The following FN1 variants were observed in gnomAD, a reference collection of about 807,000 sequenced individuals.
FN1 encodes fibronectin 1.
FN1 carries 106 observed loss-of-function variants against 297.3 expected under a neutral mutation model. The observed-to-expected ratio is 0.36, with a 90% CI of 0.30 to 0.42. The LOEUF (loss-of-function observed/expected upper bound fraction) is 0.42, where lower values mean the gene tolerates loss of function less well. Ranked by LOEUF, FN1 falls within the 10% of genes least tolerant of loss-of-function variation. FN1 has a pLI of 1.00. For missense variants in FN1, 2,690 were observed against 3,124.9 expected, an observed-to-expected ratio of 0.86 and a Z score of 3.32; for synonymous variants, 1,149 against 1,152.6, an observed-to-expected ratio of 1.00 and a Z score of 0.06.
chr2:215,430,725 G>A lies in FN1; in HGVS notation c.675C>T (p.Cys225=), dbSNP rs1181638652. ...CLGEGSGRIT[C]TSRNRCNDQD... is the part of the protein sequence containing the mutation. The stretch of plus-strand genomic sequence containing the variant: ...AGATGTAAAACATACTTCTAGAAGT[G>A]CAAGTGATGCGTCCGCTGCCTTCTC... Residue 225 remains cysteine, a synonymous_variant, in exon 5 of 46, where the codon TGC becomes TGT. Transcript: ENST00000354785. The A allele has an allele frequency of 4.3e-6, 7 of 1,613,890 alleles. No homozygotes were observed. In the Admixed American group the frequency reaches 8.3e-5, roughly 19 times the overall value.
At chr2:215,363,994 G>A (rs960584388) in intron 44 of FN1, among the ~76,000 whole-genome samples, 1 of 152,172 alleles carries the variant, frequency 6.6e-6, no homozygotes, top group Non-Finnish European at 1.5e-5. Context: ...ATCCCAGGGG[G>A]TGTGTCTCTC....
chr2:215,407,372 G>C, intron 17 of FN1, 51 bp from the exon 18 acceptor site: 1 of 1,431,650 alleles, frequency 7.0e-7, no homozygotes, highest in Non-Finnish European at 9.9e-7. Flanking sequence ...TGAGACAGAG[G>C]CTTAGAAACA....
intron 20 of FN1, 101 bp downstream of exon 20, chr2:215,404,288 A>G: frequency 8.9e-6 from 11 of 1,233,804 alleles, no homozygotes; most frequent in Non-Finnish European, 1.3e-5. Flanking sequence ...ATTATGTACT[A>G]ATTTTTTAAT....
Position 215,376,518 on chromosome 2 carries a change from A to T in FN1, c.5867T>A (p.Val1956Asp). The T allele has an allele frequency of 1.2e-6, 2 of 1,614,110 alleles. No homozygotes were observed. Among genetic ancestry groups the T allele is most frequent in the Non-Finnish European group, 1.7e-6 (2 of 1,180,004 alleles). Residue 1956 changes from valine to aspartate, a missense_variant, in exon 36 of 46, where the codon GTC becomes GAC. By Grantham distance (152) the Val-to-Asp change is radical. Around this residue, in one of 3 missense-constraint regions of FN1, gnomAD observed 1,743 missense variants for 1,945.2 expected, o/e 0.90. Transcript: ENST00000354785. ...CTGACCTGTGATGGTGTAGCTTCTG[A>T]CATCTGGCTTGATGGTTCTCTGGAT... ...TPIQRTIKPD[V>D]RSYTITGLQP...
intron 36 of FN1, 121 bp from the exon 37 acceptor site, chr2:215,375,839 G>A: frequency 4.2e-6 from 3 of 718,692 alleles, no homozygotes; most frequent in Non-Finnish European, 7.7e-6. Flanking sequence ...CTACCAAAGT[G>A]GTCCACATTT....
At position 215,386,910 on chromosome 2, in the gene FN1, G is replaced by T; in HGVS notation, c.4391C>A (p.Ser1464Tyr). Residue 1464 changes from serine to tyrosine, a missense_variant, in exon 28 of 46, where the codon TCT (serine) becomes TAT (tyrosine). Around this residue, in one of 3 missense-constraint regions of FN1, gnomAD observed 1,743 missense variants for 1,945.2 expected, o/e 0.90. Transcript: ENST00000354785. ...AGGAGCAATCCAGTGCACAGTAAAA[G>T]AGTTGGCAGTAATATCAGAAAAGTC... ...GIDFSDITAN[S>Y]FTVHWIAPRA... 6.2e-7 allele frequency: 1 copy of T among 1,613,286 alleles called. No individual in the cohort carries two copies. The highest frequency in any genetic ancestry group is 1.3e-5 in the African/African-American group (1 of 74,912).
chr2:215,363,383 AGAGAG>A (rs2053905092), intron 44 of FN1: 5 of 87,742 alleles, frequency 5.7e-5, no homozygotes, highest in Non-Finnish European at 1.1e-4. Flanking sequence ...AATGGGAGAG[AGAGAG>A]AGAGAGAGAC....
chr2:215,430,265 A>G (rs894018727), intron 5 of FN1, among the ~76,000 whole-genome samples: 34 of 152,250 alleles, frequency 2.2e-4, no homozygotes, highest in Non-Finnish European at 5.9e-5. Flanking sequence ...AGACCCCAAG[A>G]CAATCTTAGA....
At chr2:215,411,600 G>T (rs1193065387) in intron 13 of FN1, among the ~76,000 whole-genome samples, 1 of 150,508 alleles carries the variant, frequency 6.6e-6, no homozygotes, top group African/African-American at 2.4e-5. Context: ...CTGAATTTTT[G>T]TAATTGTTAA....
intron 26 of FN1, 103 bp downstream of exon 26, chr2:215,391,529 G>T: frequency 2.2e-6 from 2 of 916,622 alleles, no homozygotes; most frequent in Non-Finnish European, 3.6e-6. Context: ...TTTGTAGCTT[G>T]GTTGCAGCTC....
chr2:215,383,527 G>A, intron 30 of FN1, 44 bp from the exon 31 acceptor site: 1 of 1,607,254 alleles, frequency 6.2e-7, no homozygotes, highest in East Asian at 2.2e-5. Context: ...CCCAGTCCTT[G>A]GAGACAAGAT....
Position 215,394,152 on chromosome 2 carries a change from T to C in FN1, c.3796+376A>G, listed in dbSNP as rs1260136229. ...TTGGAAATTGATATGGATTGTAAAATCGGGCAGAAATGTACTGATGGGATG... is the reference window on the plus strand; with the variant it reads ...TTGGAAATTGATATGGATTGTAAAACCGGGCAGAAATGTACTGATGGGATG... On this transcript the variant is annotated intron_variant, in intron 24 of 45. Transcript: ENST00000354785. Among the ~76,000 whole-genome samples, 3 of 152,202 alleles carry C rather than the reference T, an allele frequency of 2.0e-5. 1 individual carries two copies. Among genetic ancestry groups the C allele is most frequent in the African/African-American group, 4.8e-5 (2 of 41,448 alleles).
At chr2:215,372,447 T>G in intron 39 of FN1, 72 bp from the exon 40 acceptor site, 1 of 1,115,952 alleles carries the variant, frequency 9.0e-7, no homozygotes, top group African/African-American at 1.5e-5. Flanking sequence ...ATGATAATAA[T>G]CGATTCAGGC....
At chr2:215,412,309 T>C (rs913795206) in intron 13 of FN1, among the ~76,000 whole-genome samples, 4 of 152,150 alleles carry the variant, frequency 2.6e-5, no homozygotes, top group African/African-American at 9.7e-5. Context: ...TTTAAGGGAA[T>C]CTGTTTCCAT....
intron 25 of FN1, 51 bp downstream of exon 25, chr2:215,392,880 G>A: frequency 6.3e-7 from 1 of 1,596,880 alleles, no homozygotes; most frequent in South Asian, 1.1e-5. Context: ...GTAACTGGTG[G>A]CAGCATGCAA....
Position 215,361,611 on chromosome 2 carries a change from T to C in FN1, c.7378A>G (p.Ile2460Val), listed in dbSNP as rs1244456019. The C allele has an allele frequency of 1.9e-5, 31 of 1,611,128 alleles. 1 individual carries two copies. The highest frequency in any genetic ancestry group is 1.4e-4 in the South Asian group (13 of 91,034). Reference protein sequence around the residue: ...QRTNTNVNCPIECFMPLDVQA... With the variant: ...QRTNTNVNCPVECFMPLDVQA... The stretch of plus-strand genomic sequence containing the variant: ...ACATCTAAAGGCATGAAGCACTCAA[T>C]TGGGCAATTAACATTCTGTTAAAAA... The change falls in exon 46 of 46, where the codon ATT (isoleucine) becomes GTT (valine). Residue 2460 changes from isoleucine (I) to valine (V), a missense_variant. Transcript: ENST00000354785.
At chr2:215,420,853 G>A (rs778754742) in intron 10 of FN1, 52 bp from the exon 11 acceptor site, 13 of 1,581,454 alleles carry the variant, frequency 8.2e-6, no homozygotes, top group Non-Finnish European at 1.0e-5. Context: ...TTCCATTGAT[G>A]AAAGAAAAAA....
In FN1 at chr2:215,404,389, G is replaced by C. The variant is rs1231345757; in HGVS notation, c.3253C>G (p.Leu1085Val). 1 of 1,613,556 alleles carries C rather than the reference G, an allele frequency of 6.2e-7. No individual in the cohort carries two copies. The highest frequency in any genetic ancestry group is 8.5e-7 in the Non-Finnish European group (1 of 1,179,758). The change falls in exon 20 of 46, where the codon CTG (leucine) becomes GTG (valine). Residue 1085 changes from leucine to valine, a missense_variant and splice_region_variant. Coordinates refer to ENST00000354785, the MANE Select transcript of FN1 (RefSeq NM_212482.4). The stretch of plus-strand genomic sequence containing the variant: ...AAAAGGCACTTAATTTTCAGCTTAC[G>C]TGTGGTAAAGACTCCAGTGGCTTTG... ...SPKATGVFTT[L>V]QPGSSIPPYN...
At chr2:215,362,515 T>G (rs1468496041) in intron 44 of FN1, 1 of 220,228 alleles carries the variant, frequency 4.5e-6, no homozygotes, top group East Asian at 1.2e-4. Context: ...AGGAGTGACT[T>G]GCTTAGAGGG....
Sources: allele counts gnomAD v4.1 joint callset (sites outside exome capture counted in the v4.1 genomes callset), GRCh38; gene constraint gnomAD v4.1.1; regional missense constraint gnomAD v4.1.1; transcripts MANE v1.5; gene names NCBI Gene and HGNC (gene_info 2026-07-23, HGNC 2026-07-21).